ELP4: variants seen among roughly 807,000 people sequenced by gnomAD.
ELP4 encodes elongator complex protein 4.
ELP4 carries 51 observed loss-of-function variants against 48.9 expected under a neutral mutation model. The observed-to-expected ratio is 1.04, with a 90% confidence interval of 0.83 to 1.32. ELP4 has a LOEUF of 1.32. Ranked by LOEUF, ELP4 falls within the 40% of genes most tolerant of loss-of-function variation. ELP4 has a pLI of 0.00. For synonymous variants in ELP4, 210 were observed against 189.2 expected (o/e 1.11, Z -0.90); for missense variants, 519 against 514.6 (o/e 1.01, Z -0.08).
intron 9 of ELP4, among the ~76,000 whole-genome samples, chr11:31,752,698 G>A (rs1947749208): frequency 6.6e-6 from 1 of 152,028 alleles, no homozygotes; most frequent in Non-Finnish European, 1.5e-5. Flanking sequence ...GCCGGGCATG[G>A]TGGTGGGCGC....
At position 31,510,357 on chromosome 11, in the gene ELP4, C is replaced by T. The variant is rs919680278; in HGVS notation, c.223+350C>T. On this transcript the variant is annotated intron_variant, in intron 1 of 9. Coordinates refer to ENST00000640961, the MANE Select transcript of ELP4 (RefSeq NM_019040.5). ...GGCTTTCATTCAGGATACCTCCCTT[C>T]TGCTTTCTCCAGGCAGCTCACGGTT... 2.1e-5 allele frequency: 10 copies of T among 466,918 alleles called. No homozygotes were observed. In the Admixed American group the frequency reaches 2.9e-4, roughly 13 times the overall value. The allele number at this position is 466,918 out of a possible 1,614,324, so 28.9% of individuals were successfully genotyped here.
rs1304400279 is a variant in ELP4, at chr11:31,786,601, G to A, written c.*3077G>A. The A allele has an allele frequency of 8.9e-6, 2 of 225,434 alleles. No individual in the cohort carries two copies. Among genetic ancestry groups the A allele is most frequent in the African/African-American group, 4.5e-5 (2 of 44,942 alleles). 14.0% of individuals were successfully genotyped at this position (225,434 alleles called of 1,614,324 possible). A position where few individuals can be genotyped will look rare whatever the true frequency, so the allele number is the denominator to read the frequency against. On this transcript the variant is annotated 3_prime_UTR_variant, in exon 10 of 10. Coordinates refer to ENST00000640961, the MANE Select transcript of ELP4 (RefSeq NM_019040.5). ...AAAAAGAAATAAGCAAAAGAATATA[G>A]ACACAATCCTAAGATGACATTCACA...
chr11:31,576,341 G>A (rs946266045), intron 3 of ELP4, among the ~76,000 whole-genome samples: 1 of 152,098 alleles, frequency 6.6e-6, no homozygotes, highest in African/African-American at 2.4e-5. Flanking sequence ...CAATAATAAT[G>A]GGAGACTTTA....
intron 9 of ELP4, among the ~76,000 whole-genome samples, chr11:31,725,686 C>T (rs1947061236): frequency 6.6e-6 from 1 of 152,188 alleles, no homozygotes; most frequent in African/African-American, 2.4e-5. Flanking sequence ...CCCACACAGA[C>T]AAGTTACCTC....
chr11:31,571,552 G>A (rs1381453860), intron 3 of ELP4, among the ~76,000 whole-genome samples: 1 of 152,172 alleles, frequency 6.6e-6, no homozygotes, highest in African/African-American at 2.4e-5. Flanking sequence ...ATGGCAGCTA[G>A]AATAGTAAAT....
chr11:31,604,935 C>G (rs1957846725), intron 5 of ELP4, among the ~76,000 whole-genome samples: 1 of 151,936 alleles, frequency 6.6e-6, no homozygotes, highest in Admixed American at 6.6e-5. Context: ...CATTTGTTAT[C>G]TTCTATAATC....
At chr11:31,616,011 A>T (rs1404860942) in intron 5 of ELP4, among the ~76,000 whole-genome samples, 1 of 152,054 alleles carries the variant, frequency 6.6e-6, no homozygotes, top group Non-Finnish European at 1.5e-5. Flanking sequence ...TTCTTCAAAA[A>T]TCCTATGACA....
intron 5 of ELP4, among the ~76,000 whole-genome samples, chr11:31,606,829 G>A (rs551736866): frequency 2.0e-5 from 3 of 152,168 alleles, no homozygotes; most frequent in South Asian, 2.1e-4. Context: ...TTTCAGTGTC[G>A]TCTTTCTTAC....
At chr11:31,681,285 G>A (rs55887916) in intron 9 of ELP4, among the ~76,000 whole-genome samples, 2,248 of 152,296 alleles carry the variant, frequency 0.015, 35 homozygotes, top group Non-Finnish European at 0.02. Context: ...TGGGGTTTCT[G>A]GAAGGGCAGC....
intron 9 of ELP4, among the ~76,000 whole-genome samples, chr11:31,675,164 G>C (rs892319983): frequency 3.3e-5 from 5 of 152,170 alleles, no homozygotes; most frequent in Admixed American, 6.5e-5. Flanking sequence ...GAAGTGAAGA[G>C]TTAAGGGCAG....
chr11:31,610,122 A>C (rs72892578), intron 5 of ELP4, among the ~76,000 whole-genome samples: 1 of 152,326 alleles, frequency 6.6e-6, no homozygotes, highest in Non-Finnish European at 1.5e-5. Context: ...GAAGTCATAT[A>C]GTTATAGAAG....
chr11:31,608,946 G>C lies in ELP4; in HGVS notation c.653+5039G>C, dbSNP rs561282497. ...GATGCAGATAGGGCCAAGGGTCCTG[G>C]GCTCTGTCAGTCTTCAGCAGCAGGG... On this transcript the variant is annotated intron_variant, in intron 5 of 9. Transcript: ENST00000640961. 9.9e-5 allele frequency among the ~76,000 whole-genome samples: 15 copies of C among 152,216 alleles called. No homozygotes were observed. The East Asian group carries it at 2.7e-3, about 28-fold the overall frequency.
intron 3 of ELP4, among the ~76,000 whole-genome samples, chr11:31,586,122 A>G (rs1412513899): frequency 1.3e-5 from 2 of 152,242 alleles, no homozygotes; most frequent in African/African-American, 4.8e-5. Context: ...GTGCAGGTAT[A>G]GAACACCTTC....
At chr11:31,763,511 T>C (rs764065393) in intron 9 of ELP4, 3 of 1,611,124 alleles carry the variant, frequency 1.9e-6, no homozygotes, top group South Asian at 1.1e-5. Flanking sequence ...GAAGGTTCTT[T>C]ACAGCATTCC....
In ELP4 at chr11:31,697,627, C is replaced by A. The variant is rs148732308; in HGVS notation, c.1143+47406C>A. 8.6e-4 allele frequency among the ~76,000 whole-genome samples: 131 copies of A among 152,102 alleles called. 1 individual carries two copies. Among genetic ancestry groups the A allele is most frequent in the Admixed American group, 1.4e-3 (21 of 15,252 alleles). ...TCAGGACTTTATTTCTTGATTTTAT[C>A]CTTGAGAGTGGTACTTACACAACTC... On this transcript the variant is annotated intron_variant, in intron 9 of 9. Coordinates refer to ENST00000640961, the MANE Select transcript of ELP4 (RefSeq NM_019040.5).
chr11:31,707,360 A>G (rs2134166062), intron 9 of ELP4: 1 of 198,402 alleles, frequency 5.0e-6, no homozygotes, highest in Admixed American at 6.0e-5. Flanking sequence ...TCTATTGACA[A>G]TATACTTTTA....
chr11:31,666,567 C>G (rs2134099110), intron 9 of ELP4, among the ~76,000 whole-genome samples: 1 of 151,760 alleles, frequency 6.6e-6, no homozygotes, highest in African/African-American at 2.4e-5. Flanking sequence ...TGGCATGTGC[C>G]TGTAGTCCCA....
intron 9 of ELP4, chr11:31,653,563 A>G (rs1301725578): frequency 6.6e-6 from 1 of 151,810 alleles, no homozygotes; most frequent in Non-Finnish European, 1.5e-5. Context: ...AATAGATTCA[A>G]TACACATAAA....
At chr11:31,781,217 T>C (rs1220611545) in intron 9 of ELP4, among the ~76,000 whole-genome samples, 1 of 152,216 alleles carries the variant, frequency 6.6e-6, no homozygotes, top group Admixed American at 6.5e-5. Context: ...CCATCTGACG[T>C]CATTTGTCAG....
Sources: gnomAD v4.1 joint callset for allele counts (sites outside exome capture counted in the v4.1 genomes callset) on GRCh38, gnomAD v4.1.1 for gene constraint, MANE v1.5 for transcripts, NCBI Gene and HGNC (gene_info 2026-07-23, HGNC 2026-07-21) for gene names.